UBE2R2: variants seen among roughly 807,000 people sequenced by gnomAD.
UBE2R2 encodes ubiquitin-conjugating enzyme E2 R2.
Under a neutral mutation model 27.8 loss-of-function variants are expected in UBE2R2, and 1 was observed. That is an observed-to-expected ratio of 0.04 (90% CI 0.01 to 0.17). UBE2R2 has a LOEUF of 0.17. Among genes scored for constraint, UBE2R2 ranks in the 10% least tolerant of loss-of-function variants. The probability of loss-of-function intolerance (pLI) is 1.00; values close to 1 mark genes in which losing one functional copy is unlikely to be tolerated. For missense variants in UBE2R2, 100 were observed against 291.0 expected (o/e 0.34, Z 4.78); for synonymous variants, 106 against 113.3 (o/e 0.94, Z 0.41).
chr9:33,846,298 A>G (rs1390983412), intron 1 of UBE2R2, among the ~76,000 whole-genome samples: 4 of 152,146 alleles, frequency 2.6e-5, no homozygotes, highest in African/African-American at 9.7e-5. Context: ...CATCTCAAAA[A>G]TAAAATAAAA....
rs979701887 is a variant in UBE2R2 at position 33,918,384 on chromosome 9, G to C, written c.*1147G>C. ...AGTTACCGCCTTCTTCATTGGATGT[G>C]ATCTGAACTTTTTTTCTCCTTTCAA... On this transcript the variant is annotated 3_prime_UTR_variant, in exon 5 of 5. Coordinates refer to ENST00000263228, the MANE Select transcript of UBE2R2 (RefSeq NM_017811.4). The C allele has an allele frequency of 6.6e-6, 1 of 151,926 alleles. No homozygotes were observed. Among genetic ancestry groups the C allele is most frequent in the Admixed American group, 6.6e-5 (1 of 15,204 alleles). 9.4% of individuals were successfully genotyped at this position (151,926 alleles called of 1,614,324 possible).
rs572711963 is a variant in UBE2R2, at chr9:33,846,089, G to A, written c.177+28155G>A. Among the ~76,000 whole-genome samples the A allele has an allele frequency of 3.4e-5, 5 of 147,630 alleles. No homozygotes were observed. In the East Asian group the frequency reaches 1.0e-3, roughly 30 times the overall value. On this transcript the variant is annotated intron_variant, in intron 1 of 4. Transcript: ENST00000263228. Reference sequence around the variant, plus strand: ...TGCGGTGAGCCAAGATCACGCCACTGCCCTCCAGCCTGGGTGACAGCAAGA... The same window carrying A: ...TGCGGTGAGCCAAGATCACGCCACTACCCTCCAGCCTGGGTGACAGCAAGA...
chr9:33,817,901 C>T lies in UBE2R2; in HGVS notation c.144C>T (p.Pro48=), dbSNP rs1346545301. The change falls in exon 1 of 5, where the codon CCC becomes CCT. Residue 48 remains proline, a synonymous_variant. Transcript: ENST00000263228. ...LYNWEVAIFG[P]PNTLYEGGYF... is the part of the protein sequence containing the mutation. ...ACTGGGAGGTGGCCATCTTCGGACCCCCCAACACCCTCTACGAAGGCGGCT... is the reference window on the plus strand; with the variant it reads ...ACTGGGAGGTGGCCATCTTCGGACCTCCCAACACCCTCTACGAAGGCGGCT... 6.2e-7 allele frequency: 1 copy of T among 1,611,150 alleles called. No homozygotes were observed. The highest frequency in any genetic ancestry group is 8.5e-7 in the Non-Finnish European group (1 of 1,178,380).
intron 1 of UBE2R2, among the ~76,000 whole-genome samples, chr9:33,859,498 T>TA (rs1317474678): frequency 1.3e-5 from 2 of 152,142 alleles, no homozygotes; most frequent in Non-Finnish European, 2.9e-5. Context: ...TTATGTAGAG[T>TA]ATTAAAATCT....
rs1825808013 is a variant in UBE2R2 at position 33,817,281 on chromosome 9, CCCCCACCCTCTCCT to C, written c.-476_-463del. The stretch of plus-strand genomic sequence containing the variant: ...CGCGAGACCCCCGCACGCCGCTCTC[CCCCCACCCTCTCCT>C]GCCCCGCGCGCCCTCCGGCCCCTGC... On this transcript the variant is annotated 5_prime_UTR_variant, in exon 1 of 5. Coordinates refer to ENST00000263228, the MANE Select transcript of UBE2R2 (RefSeq NM_017811.4). Among the ~76,000 whole-genome samples the C allele has an allele frequency of 6.7e-6, 1 of 149,514 alleles. No individual in the cohort carries two copies. Among genetic ancestry groups the C allele is most frequent in the Non-Finnish European group, 1.5e-5 (1 of 66,844 alleles).
intron 1 of UBE2R2, among the ~76,000 whole-genome samples, chr9:33,866,740 CCTAATTT>C (rs1345141539): frequency 6.6e-6 from 1 of 152,130 alleles, no homozygotes; most frequent in African/African-American, 2.4e-5. Context: ...TAATCCCTAT[CCTAATTT>C]CTAACAGTAT....
At chr9:33,905,498 A>G (rs998287122) in intron 3 of UBE2R2, among the ~76,000 whole-genome samples, 7 of 152,188 alleles carry the variant, frequency 4.6e-5, no homozygotes, top group Admixed American at 3.9e-4. Context: ...TCTGCAGATG[A>G]TACATAATTT....
rs543219457 is a variant in UBE2R2 at position 33,834,236 on chromosome 9, T to G, written c.177+16302T>G. Among the ~76,000 whole-genome samples the G allele has an allele frequency of 2.1e-3, 319 of 150,726 alleles. 4 individuals are homozygous for G. The highest frequency in any genetic ancestry group is 7.3e-3 in the African/African-American group (297 of 40,922). On this transcript the variant is annotated intron_variant, in intron 1 of 4. Transcript: ENST00000263228. The stretch of plus-strand genomic sequence containing the variant: ...TTTTTTTGGAGACAGAGTCTCGCTC[T>G]GTTGCCCAGGCTGGAGTGTGATGGC...
At chr9:33,896,512 G>A (rs935912379) in intron 2 of UBE2R2, among the ~76,000 whole-genome samples, 1 of 151,312 alleles carries the variant, frequency 6.6e-6, no homozygotes, top group South Asian at 2.1e-4. Context: ...ATACGATCTC[G>A]GCTCACTGCA....
chr9:33,861,698 T>C (rs1821240261), intron 1 of UBE2R2, among the ~76,000 whole-genome samples: 1 of 152,142 alleles, frequency 6.6e-6, no homozygotes, highest in Admixed American at 6.6e-5. Flanking sequence ...TTTTGTGTAC[T>C]TTTTCAAAAG....
chr9:33,867,469 T>C (rs1048772579), intron 1 of UBE2R2, among the ~76,000 whole-genome samples: 6 of 152,216 alleles, frequency 3.9e-5, no homozygotes, highest in African/African-American at 1.2e-4. Flanking sequence ...GCTACATATA[T>C]GTACAGGTGT....
chr9:33,873,715 A>G (rs1821538395), intron 1 of UBE2R2, among the ~76,000 whole-genome samples: 1 of 152,104 alleles, frequency 6.6e-6, no homozygotes, highest in African/African-American at 2.4e-5. Flanking sequence ...ATCATGGCTC[A>G]CTGCATACTT....
chr9:33,869,491 G>A (rs529604311), intron 1 of UBE2R2, among the ~76,000 whole-genome samples: 1 of 151,436 alleles, frequency 6.6e-6, no homozygotes, highest in South Asian at 2.1e-4. Flanking sequence ...TTGTTGCCCA[G>A]GCTGGAGTGT....
chr9:33,902,116 G>C (rs1404367276), intron 3 of UBE2R2, among the ~76,000 whole-genome samples: 3 of 151,854 alleles, frequency 2.0e-5, no homozygotes, highest in African/African-American at 7.3e-5. Flanking sequence ...ATGGGGTTTT[G>C]CTTTGTTTCC....
chr9:33,902,934 T>C (rs1297393998), intron 3 of UBE2R2, among the ~76,000 whole-genome samples: 1 of 152,060 alleles, frequency 6.6e-6, no homozygotes, highest in Non-Finnish European at 1.5e-5. Context: ...ACCCTGTCTC[T>C]ACTAAAAATA....
chr9:33,826,944 A>G (rs1820328018), intron 1 of UBE2R2, among the ~76,000 whole-genome samples: 3 of 152,068 alleles, frequency 2.0e-5, no homozygotes, highest in Admixed American at 1.3e-4. Context: ...TTAGCCAGGC[A>G]TGATGTCGTG....
At position 33,833,231 on chromosome 9, in the gene UBE2R2, A is replaced by AT. The variant is rs987687591; in HGVS notation, c.177+15306dup. On this transcript the variant is annotated intron_variant, in intron 1 of 4. Transcript: ENST00000263228. The stretch of plus-strand genomic sequence containing the variant: ...AAACACATGCCACCGTGCCTGGCTA[A>AT]TTTTTTTTTATTTTTAGTACAGACG... Among the ~76,000 whole-genome samples the AT allele has an allele frequency of 1.6e-4, 24 of 151,578 alleles. 1 individual carries two copies. Among genetic ancestry groups the AT allele is most frequent in the South Asian group, 2.1e-4 (1 of 4,804 alleles).
chr9:33,900,908 CCTCT>C (rs1204240373), intron 3 of UBE2R2, among the ~76,000 whole-genome samples: 3 of 151,458 alleles, frequency 2.0e-5, no homozygotes, highest in Non-Finnish European at 4.4e-5. Flanking sequence ...ATGGGCAACT[CCTCT>C]CTCTCTCTGT....
chr9:33,899,790 G>A (rs573955841), intron 2 of UBE2R2, among the ~76,000 whole-genome samples: 22 of 152,276 alleles, frequency 1.4e-4, no homozygotes, highest in African/African-American at 4.6e-4. Flanking sequence ...GAGACACCGC[G>A]CCCAGCCCCA....
Sources: allele counts gnomAD v4.1 joint callset (sites outside exome capture counted in the v4.1 genomes callset), GRCh38; gene constraint gnomAD v4.1.1; transcripts MANE v1.5; gene names NCBI Gene and HGNC (gene_info 2026-07-23, HGNC 2026-07-21).